JMJD1C: variants seen among roughly 807,000 people sequenced by gnomAD.
The protein encoded by JMJD1C is jumonji domain-containing protein 1C.
A neutral mutation model predicts 245.3 loss-of-function variants in JMJD1C; 31 were observed. The ratio of observed to expected loss-of-function variants is 0.13; its 90% CI spans 0.09 to 0.17. JMJD1C has a LOEUF of 0.17. Ranked by LOEUF, JMJD1C falls within the 10% of genes least tolerant of loss-of-function variation. The probability of loss-of-function intolerance (pLI) is 1.00; values close to 1 mark genes in which losing one functional copy is unlikely to be tolerated. For synonymous variants in JMJD1C, 1,057 were observed against 1,017.4 expected, an observed-to-expected ratio of 1.04 and a Z score of -0.74; for missense variants, 2,691 against 3,000.2, an observed-to-expected ratio of 0.90 and a Z score of 2.41.
chr10:63,224,995 G>A (rs916242632), intron 3 of JMJD1C, among the ~76,000 whole-genome samples: 1 of 151,882 alleles, frequency 6.6e-6, no homozygotes, highest in Admixed American at 6.6e-5. Context: ...CCAGGAGGCA[G>A]AGGTTGCAGT....
At chr10:63,195,244 T>C (rs1382243025) in intron 13 of JMJD1C, among the ~76,000 whole-genome samples, 1 of 151,854 alleles carries the variant, frequency 6.6e-6, no homozygotes, top group Non-Finnish European at 1.5e-5. Context: ...TCCCAGCTAC[T>C]TGGGAGGCTG....
chr10:63,183,786 CAAAT>C (rs1439443286), intron 21 of JMJD1C, among the ~76,000 whole-genome samples: 3 of 151,954 alleles, frequency 2.0e-5, no homozygotes, highest in Admixed American at 6.6e-5. Context: ...GATTAAAAAT[CAAAT>C]AAATAAAAAA....
At chr10:63,222,467 G>T (rs918755393) in intron 3 of JMJD1C, 31 of 976,860 alleles carry the variant, frequency 3.2e-5, no homozygotes, top group Non-Finnish European at 5.2e-5. Context: ...AAACAATAAA[G>T]GGAAAGTTGT....
chr10:63,305,409 T>C lies in JMJD1C; in HGVS notation c.334-40645A>G, dbSNP rs191021946. Among the ~76,000 whole-genome samples the C allele has an allele frequency of 3.8e-3, 561 of 146,000 alleles. 13 individuals carry two copies. Among genetic ancestry groups the C allele is most frequent in the Non-Finnish European group, 6.3e-3 (419 of 66,978 alleles). On this transcript the variant is annotated intron_variant, in intron 2 of 25. Transcript: ENST00000399262. The stretch of plus-strand genomic sequence containing the variant: ...CAAAAAAGGTTGCAGTGAGCTCTAA[T>C]TGTACCACTACTACACTCCAGCCTG...
intron 1 of JMJD1C, among the ~76,000 whole-genome samples, chr10:63,484,700 G>A (rs1017930788): frequency 1.3e-5 from 2 of 151,490 alleles, no homozygotes; most frequent in Non-Finnish European, 2.9e-5. Context: ...AAAAAAATTG[G>A]CACTATCCAT....
At chr10:63,465,363 A>G (rs994611334) in intron 1 of JMJD1C, 132 bp downstream of exon 1, 2 of 952,374 alleles carry the variant, frequency 2.1e-6, no homozygotes, top group East Asian at 2.6e-5. Flanking sequence ...CAAACGCGCC[A>G]AGGGTTCAGC....
At chr10:63,376,725 C>T (rs1946772874) in intron 2 of JMJD1C, among the ~76,000 whole-genome samples, 1 of 152,090 alleles carries the variant, frequency 6.6e-6, no homozygotes, top group African/African-American at 2.4e-5. Context: ...ACCACAATGA[C>T]ATGCCATTTC....
rs567998378 is a variant in JMJD1C, at chr10:63,367,490, C to A, written c.333+12828G>T. 6.5e-4 allele frequency among the ~76,000 whole-genome samples: 99 copies of A among 152,186 alleles called. 1 individual carries two copies. Among genetic ancestry groups the A allele is most frequent in the South Asian group, 6.0e-3 (29 of 4,820 alleles). ...CAAACTCTCAACCTCAGGTGATCTGCCAGCCTCGGCCTCCCAAAGTGCTGG... is the reference window on the plus strand; with the variant it reads ...CAAACTCTCAACCTCAGGTGATCTGACAGCCTCGGCCTCCCAAAGTGCTGG... On this transcript the variant is annotated intron_variant, in intron 2 of 25. Coordinates refer to ENST00000399262, the MANE Select transcript of JMJD1C (RefSeq NM_032776.3).
In JMJD1C at chr10:63,310,756, A is replaced by AT. The variant is rs916638701; in HGVS notation, c.334-45993dup. ...AATATAAAAACAAATCCTACAAATC[A>AT]TTTTTTTTTAAATACAACTTTCTAT... On this transcript the variant is annotated intron_variant, in intron 2 of 25. Transcript: ENST00000399262. Among the ~76,000 whole-genome samples, 19 of 151,674 alleles carry AT rather than the reference A, an allele frequency of 1.3e-4. No homozygotes were observed. In the South Asian group the frequency reaches 2.3e-3, roughly 18 times the overall value.
chr10:63,188,288 A>G (rs1429009695), intron 18 of JMJD1C, among the ~76,000 whole-genome samples: 1 of 152,234 alleles, frequency 6.6e-6, no homozygotes. Flanking sequence ...AAGGAGACCA[A>G]GGCAAAAAAG....
At chr10:63,399,528 CTT>C (rs1948721507) in intron 1 of JMJD1C, among the ~76,000 whole-genome samples, 1 of 152,080 alleles carries the variant, frequency 6.6e-6, no homozygotes. Context: ...TTTTATTTCT[CTT>C]ATACTGAAAA....
At chr10:63,293,713 A>T (rs1434380785) in intron 2 of JMJD1C, among the ~76,000 whole-genome samples, 1 of 152,154 alleles carries the variant, frequency 6.6e-6, no homozygotes, top group Non-Finnish European at 1.5e-5. Flanking sequence ...CATTCGTATT[A>T]ATGATAACCT....
chr10:63,347,653 CTGTA>C (rs1443207742), intron 2 of JMJD1C, among the ~76,000 whole-genome samples: 2 of 151,682 alleles, frequency 1.3e-5, no homozygotes, highest in Non-Finnish European at 2.9e-5. Context: ...TGGCTCATGC[CTGTA>C]ATCCCAGCAC....
chr10:63,480,704 A>G (rs1953805868), intron 1 of JMJD1C, among the ~76,000 whole-genome samples: 1 of 152,184 alleles, frequency 6.6e-6, no homozygotes, highest in Admixed American at 6.5e-5. Flanking sequence ...TTTCTGACAG[A>G]AAGCACTGTG....
intron 1 of JMJD1C, among the ~76,000 whole-genome samples, chr10:63,394,182 G>A (rs1239814897): frequency 1.7e-5 from 2 of 115,496 alleles, no homozygotes; most frequent in African/African-American, 6.9e-5. Flanking sequence ...GTGAGACTCC[G>A]TCTCCAAAAA....
intron 2 of JMJD1C, among the ~76,000 whole-genome samples, chr10:63,286,532 CCTA>C (rs1857996598): frequency 6.6e-6 from 1 of 152,202 alleles, no homozygotes; most frequent in South Asian, 2.1e-4. Flanking sequence ...CACTCAACAT[CCTA>C]CTTTCTCAGG....
chr10:63,511,724 A>T lies in JMJD1C; in HGVS notation n.113+10014T>A, dbSNP rs563210368. Among the ~76,000 whole-genome samples the T allele has an allele frequency of 1.3e-3, 192 of 152,196 alleles. No homozygotes were observed. The East Asian group carries it at 0.015, about 12-fold the overall frequency. On this transcript the variant is annotated intron_variant and non_coding_transcript_variant, in intron 1 of 3. Coordinates refer to the JMJD1C transcript ENST00000633035. ...AGAGCAAGACTCCATCTCAAAAAAA[A>T]AAAAATATATACAGTATTTGTGGGA...
At chr10:63,209,360 T>C (rs1222628492) in intron 8 of JMJD1C, 125 bp from the exon 9 acceptor site, 3 of 599,348 alleles carry the variant, frequency 5.0e-6, no homozygotes, top group African/African-American at 3.8e-5. Flanking sequence ...AGCAGTTTCT[T>C]TGGGAAACTT....
chr10:63,246,438 A>C (rs191830555), intron 3 of JMJD1C, among the ~76,000 whole-genome samples: 3,877 of 152,184 alleles, frequency 0.025, 151 homozygotes, highest in African/African-American at 0.088. Context: ...AATAAAAATA[A>C]AAAACAAAAC....
Sources: allele counts gnomAD v4.1 joint callset (sites outside exome capture counted in the v4.1 genomes callset), GRCh38; gene constraint gnomAD v4.1.1; transcripts MANE v1.5; gene names NCBI Gene and HGNC (gene_info 2026-07-23, HGNC 2026-07-21).